Variants in SCUBE2 observed in about 807,000 individuals in gnomAD.
The protein encoded by SCUBE2 is signal peptide, CUB and EGF-like domain-containing protein 2.
SCUBE2 carries 114 observed loss-of-function variants against 125.9 expected under a neutral mutation model. That is an observed-to-expected ratio of 0.91 (90% CI 0.78 to 1.06). SCUBE2 has a LOEUF of 1.06. SCUBE2 is among the 50% of genes least tolerant of loss of function. SCUBE2 has a pLI of 0.00. For missense variants in SCUBE2, 1,255 were observed against 1,301.8 expected, an observed-to-expected ratio of 0.96 and a Z score of 0.55; for synonymous variants, 459 against 492.9, an observed-to-expected ratio of 0.93 and a Z score of 0.91.
chr11:9,087,620 A>G (rs1269203851), intron 2 of SCUBE2, among the ~76,000 whole-genome samples: 1 of 152,176 alleles, frequency 6.6e-6, no homozygotes, highest in African/African-American at 2.4e-5. Context: ...ACCTTCTCCA[A>G]TGGGAGCGGT....
Position 9,052,748 on chromosome 11 carries a change from C to G in SCUBE2, c.1532G>C (p.Gly511Ala), listed in dbSNP as rs1384205167. 6.5e-6 allele frequency: 10 copies of G among 1,535,984 alleles called. No individual in the cohort carries two copies. The South Asian group carries it at 8.3e-5, about 13-fold the overall frequency. Residue 511 changes from glycine (G) to alanine (A), a missense_variant and splice_region_variant, in exon 13 of 23, where the codon GGG (glycine) becomes GCG (alanine). This residue lies in a region of SCUBE2 where 378 missense variants were observed against 463.1 expected (regional missense o/e 0.82). Coordinates refer to ENST00000649792, the MANE Select transcript of SCUBE2 (RefSeq NM_001367977.2). ...KQQKSNDSAF[G>A]DVTTIRTSVT... Reference sequence around the variant, plus strand: ...GAACACGCAGATTTGGTAATTACCCCCAAAAGCAGAGTCATTTGATTTTTG... The same window carrying G: ...GAACACGCAGATTTGGTAATTACCCGCAAAAGCAGAGTCATTTGATTTTTG...
At position 9,055,788 on chromosome 11, in the gene SCUBE2, C is replaced by T. The variant is rs1391592438; in HGVS notation, c.1207+5G>A. 1 of 1,611,308 alleles carries T rather than the reference C, an allele frequency of 6.2e-7. No homozygotes were observed. The highest frequency in any genetic ancestry group is 8.5e-7 in the Non-Finnish European group (1 of 1,177,624). ...CTCCCAACTTGACAGGGGCAGTCTG[C>T]TCACCTCCACAGTGGGTGAAGCCAT... is the stretch of plus-strand genomic sequence containing the variant. On this transcript the variant is annotated splice_donor_5th_base_variant and intron_variant, in intron 10 of 22. Coordinates refer to ENST00000649792, the MANE Select transcript of SCUBE2 (RefSeq NM_001367977.2).
chr11:9,024,560 C>G, intron 21 of SCUBE2: 1 of 452,054 alleles, frequency 2.2e-6, no homozygotes, highest in South Asian at 2.0e-5. Context: ...GAGCTTGGCC[C>G]TGAAGGCTCT....
chr11:9,075,244 C>T (rs986099686), intron 3 of SCUBE2, among the ~76,000 whole-genome samples: 1 of 150,220 alleles, frequency 6.7e-6, no homozygotes, highest in Non-Finnish European at 1.5e-5. Context: ...TCTCTAGGAG[C>T]ATGCCCTTCA....
At chr11:9,074,851 T>C (rs779717456) in intron 3 of SCUBE2, among the ~76,000 whole-genome samples, 8 of 152,178 alleles carry the variant, frequency 5.3e-5, no homozygotes, top group African/African-American at 1.2e-4. Context: ...TCAGTAAATA[T>C]TTGTTGAACA....
In SCUBE2 at chr11:9,082,074, C is replaced by T. The variant is rs575430469; in HGVS notation, c.257-2565G>A. On this transcript the variant is annotated intron_variant, in intron 2 of 22. Coordinates refer to ENST00000649792, the MANE Select transcript of SCUBE2 (RefSeq NM_001367977.2). ...CCATTTGTAGTTTTGATTTGCGTTT[C>T]CCTAATCATCAGAGATGTCGAACAT... is the stretch of plus-strand genomic sequence containing the variant. Among the ~76,000 whole-genome samples, 21 of 152,280 alleles carry T rather than the reference C, an allele frequency of 1.4e-4. No individual in the cohort carries two copies. The East Asian group carries it at 3.5e-3, about 25-fold the overall frequency.
At position 9,047,569 on chromosome 11, in the gene SCUBE2, A is replaced by C. The variant is rs776504611; in HGVS notation, c.1796-7T>G. On this transcript the variant is annotated splice_polypyrimidine_tract_variant and splice_region_variant and intron_variant, in intron 15 of 22. Transcript: ENST00000649792. Reference sequence around the variant, plus strand: ...CAGCTCAGGTCACAAGAAGCTACAGAAACAAGAGGGACAGCAGTGCGGGAG... The same window carrying C: ...CAGCTCAGGTCACAAGAAGCTACAGCAACAAGAGGGACAGCAGTGCGGGAG... The C allele has an allele frequency of 1.2e-6, 2 of 1,613,688 alleles. No individual in the cohort carries two copies. Among genetic ancestry groups the C allele is most frequent in the Non-Finnish European group, 1.7e-6 (2 of 1,179,886 alleles).
At chr11:9,072,990 G>A (rs2135808467) in intron 4 of SCUBE2, among the ~76,000 whole-genome samples, 1 of 152,290 alleles carries the variant, frequency 6.6e-6, no homozygotes, top group South Asian at 2.1e-4. Flanking sequence ...ATCGCTACCA[G>A]CTGCTTTGTA....
At chr11:9,084,908 TG>T (rs1861934221) in intron 2 of SCUBE2, among the ~76,000 whole-genome samples, 1 of 152,114 alleles carries the variant, frequency 6.6e-6, no homozygotes, top group African/African-American at 2.4e-5. Flanking sequence ...AGCAATTTTT[TG>T]TTTTGTTTTG....
rs1335353350 is a variant in SCUBE2, at chr11:9,091,464, A to G, written c.65T>C (p.Leu22Pro). Residue 22 changes from leucine (L) to proline (P), a missense_variant, in exon 1 of 23, where the codon CTG becomes CCG. Transcript: ENST00000649792. This position sits in a 1 kb window ranked among gnomAD's most constrained non-coding sequence, Gnocchi z 8.5. ...CCCCGCCAGCAGCAGCAGTGGCGGCAGCAGCAGCAGCAGCAGCAGCACCGC... is the reference window on the plus strand; with the variant it reads ...CCCCGCCAGCAGCAGCAGTGGCGGCGGCAGCAGCAGCAGCAGCAGCACCGC... Reference protein sequence around the residue: ...AWAVLLLLLLLPPLLLLAGAV... With the variant: ...AWAVLLLLLLPPPLLLLAGAV... 40 of 391,872 alleles carry G rather than the reference A, an allele frequency of 1.0e-4. No individual in the cohort carries two copies. In the African/African-American group the frequency reaches 1.7e-3, roughly 17 times the overall value. 24.3% of individuals were successfully genotyped at this position (391,872 alleles called of 1,614,324 possible).
chr11:9,056,937 A>G (rs1295504207), intron 9 of SCUBE2, among the ~76,000 whole-genome samples: 3 of 152,208 alleles, frequency 2.0e-5, no homozygotes, highest in African/African-American at 7.2e-5. Context: ...AAGCAAAATA[A>G]AAAAGGGCAA....
chr11:9,079,028 G>A (rs1861422368), intron 3 of SCUBE2, among the ~76,000 whole-genome samples: 1 of 150,796 alleles, frequency 6.6e-6, no homozygotes, highest in Non-Finnish European at 1.5e-5. Flanking sequence ...AGGACAAGGA[G>A]TTTTTCCAAA....
At chr11:9,048,202 ACTAAGTGATTAT>A in intron 14 of SCUBE2, 104 bp from the exon 15 acceptor site, 1 of 1,142,264 alleles carries the variant, frequency 8.8e-7, no homozygotes, top group Non-Finnish European at 1.2e-6. Context: ...CTCTCAAGGG[ACTAAGTGATTAT>A]CTCCAGATGC....
At chr11:9,058,378 A>AT (rs1359373009) in intron 9 of SCUBE2, among the ~76,000 whole-genome samples, 5 of 151,972 alleles carry the variant, frequency 3.3e-5, no homozygotes, top group Admixed American at 3.3e-4. Context: ...CAGGCAGATC[A>AT]TGAGGTCAGG....
Position 9,091,146 on chromosome 11 carries a change from G to C in SCUBE2, c.133+250C>G, listed in dbSNP as rs1408059938. Among the ~76,000 whole-genome samples, 1 of 152,178 alleles carries C rather than the reference G, an allele frequency of 6.6e-6. No homozygotes were observed. Among genetic ancestry groups the C allele is most frequent in the East Asian group, 1.9e-4 (1 of 5,176 alleles). ...GGTCTGACTAGCAGGCGCTCTGGAG[G>C]CATCCGGACCGGGGCGGGAACCGTC... On this transcript the variant is annotated intron_variant, in intron 1 of 22. Coordinates refer to ENST00000649792, the MANE Select transcript of SCUBE2 (RefSeq NM_001367977.2). This position sits in a 1 kb window ranked among gnomAD's most constrained non-coding sequence, Gnocchi z 8.5.
At chr11:9,025,050 G>T (rs1454531109) in intron 21 of SCUBE2, among the ~76,000 whole-genome samples, 1 of 152,188 alleles carries the variant, frequency 6.6e-6, no homozygotes, top group Non-Finnish European at 1.5e-5. Flanking sequence ...CAAAGATCCA[G>T]TTCATTTTAT....
intron 7 of SCUBE2, among the ~76,000 whole-genome samples, chr11:9,063,343 A>G (rs917751991): frequency 6.6e-6 from 1 of 152,248 alleles, no homozygotes; most frequent in African/African-American, 2.4e-5. Context: ...AGTACTAAAA[A>G]TAGGTGGGCA....
chr11:9,030,054 CAAGG>C lies in SCUBE2; in HGVS notation c.2342-13_2342-10del. The C allele has an allele frequency of 6.2e-7, 1 of 1,607,726 alleles. No homozygotes were observed. Among genetic ancestry groups the C allele is most frequent in the Non-Finnish European group, 8.5e-7 (1 of 1,175,486 alleles). On this transcript the variant is annotated splice_polypyrimidine_tract_variant and intron_variant, in intron 18 of 22. Coordinates refer to ENST00000649792, the MANE Select transcript of SCUBE2 (RefSeq NM_001367977.2). ...TCCAGGTGAACATTGAACTGTGGGTCAAGGGAGGGTGAAAAGAATGAAAAAAAGA... is the reference window on the plus strand; with the variant it reads ...TCCAGGTGAACATTGAACTGTGGGTCGAGGGTGAAAAGAATGAAAAAAAGA...
intron 21 of SCUBE2, among the ~76,000 whole-genome samples, chr11:9,025,289 C>T (rs1177703973): frequency 1.2e-4 from 18 of 152,208 alleles, no homozygotes; most frequent in Admixed American, 1.2e-3. Context: ...ATTTACTGAA[C>T]AATTGCTATG....
Sources: allele counts gnomAD v4.1 joint callset (sites outside exome capture counted in the v4.1 genomes callset), GRCh38; gene constraint gnomAD v4.1.1; regional missense constraint gnomAD v4.1.1; non-coding constraint Gnocchi (gnomAD v3.1); transcripts MANE v1.5; gene names NCBI Gene and HGNC (gene_info 2026-07-23, HGNC 2026-07-21).